Variants in ARHGAP32 observed in about 807,000 individuals in gnomAD.
ARHGAP32 encodes the protein rho GTPase-activating protein 32.
A neutral mutation model predicts 186.5 loss-of-function variants in ARHGAP32; 51 were observed. The ratio of observed to expected loss-of-function variants is 0.27; its 90% CI spans 0.22 to 0.35. The LOEUF is 0.35. ARHGAP32 is among the 10% of genes least tolerant of loss of function. The pLI, the probability that ARHGAP32 is intolerant of heterozygous loss-of-function variation, is 1.00. For synonymous variants in ARHGAP32, 950 were observed against 964.3 expected (o/e 0.99, Z 0.27); for missense variants, 2,186 against 2,623.5 (o/e 0.83, Z 3.64).
intron 2 of ARHGAP32, among the ~76,000 whole-genome samples, chr11:129,142,948 T>A (rs1246389226): frequency 2.0e-5 from 3 of 151,454 alleles, no homozygotes; most frequent in African/African-American, 7.3e-5. Flanking sequence ...ATTAATGTTA[T>A]AAATATTTCT....
intron 16 of ARHGAP32, 108 bp from the exon 17 acceptor site, chr11:128,981,669 T>C (rs990390703): frequency 2.2e-5 from 29 of 1,300,524 alleles, no homozygotes; most frequent in Non-Finnish European, 2.9e-5. Flanking sequence ...ATCATACTTT[T>C]ACTGTCCCTT....
At chr11:129,148,066 T>C (rs1565444426) in intron 2 of ARHGAP32, among the ~76,000 whole-genome samples, 3 of 152,196 alleles carry the variant, frequency 2.0e-5, no homozygotes, top group Admixed American at 6.5e-5. Context: ...CTTACATGAA[T>C]AGACTTAGGG....
At chr11:129,257,164 G>C (rs945316214) in intron 1 of ARHGAP32, among the ~76,000 whole-genome samples, 2 of 152,104 alleles carry the variant, frequency 1.3e-5, no homozygotes, top group Admixed American at 6.6e-5. Flanking sequence ...AAAGGAAAAG[G>C]GAAGAAATGA....
At chr11:129,025,311 A>T (rs115266487) in intron 11 of ARHGAP32, among the ~76,000 whole-genome samples, 1 of 152,198 alleles carries the variant, frequency 6.6e-6, no homozygotes, top group South Asian at 2.1e-4. Context: ...TGTTGATTGA[A>T]TTTATTCTTT....
intron 1 of ARHGAP32, among the ~76,000 whole-genome samples, chr11:129,173,033 AAAACAAACAAAC>A (rs56934368): frequency 6.6e-6 from 1 of 150,536 alleles, no homozygotes; most frequent in Non-Finnish European, 1.5e-5. Context: ...TTTTTTTGAA[AAAACAAACAAAC>A]AAACAAACAA....
intron 1 of ARHGAP32, among the ~76,000 whole-genome samples, chr11:129,213,587 AATATT>A (rs1402489724): frequency 6.6e-6 from 1 of 152,190 alleles, no homozygotes; most frequent in Non-Finnish European, 1.5e-5. Flanking sequence ...CTATCTTATT[AATATT>A]ATATGATAAT....
chr11:129,189,269 C>G (rs919691801), intron 1 of ARHGAP32, among the ~76,000 whole-genome samples: 1 of 152,098 alleles, frequency 6.6e-6, no homozygotes, highest in Non-Finnish European at 1.5e-5. Flanking sequence ...TTTTGTGCTA[C>G]CACTTGCAAA....
chr11:129,130,411 C>A (rs1384586753), intron 2 of ARHGAP32, among the ~76,000 whole-genome samples: 8 of 150,974 alleles, frequency 5.3e-5, no homozygotes, highest in Non-Finnish European at 1.0e-4. Flanking sequence ...AGGTAAGTAG[C>A]AAGAAGCAAA....
intron 1 of ARHGAP32, among the ~76,000 whole-genome samples, chr11:129,255,105 A>G (rs1490001070): frequency 6.6e-6 from 1 of 152,146 alleles, no homozygotes; most frequent in Non-Finnish European, 1.5e-5. Context: ...GGAAGAATAA[A>G]GCTGGATACA....
upstream of ARHGAP32, among the ~76,000 whole-genome samples, chr11:129,193,692 T>C (rs1358398283): frequency 3.4e-5 from 1 of 29,670 alleles, no homozygotes; most frequent in African/African-American, 1.4e-4. Context: ...ATATATATTA[T>C]ATAATATATA....
At chr11:129,189,862 A>C (rs1944239051) in intron 1 of ARHGAP32, among the ~76,000 whole-genome samples, 1 of 152,212 alleles carries the variant, frequency 6.6e-6, no homozygotes, top group Non-Finnish European at 1.5e-5. Flanking sequence ...AAGCACCAGA[A>C]GCCTACATTC....
intron 1 of ARHGAP32, among the ~76,000 whole-genome samples, chr11:129,241,380 A>G (rs1439599993): frequency 1.3e-5 from 2 of 152,206 alleles, no homozygotes; most frequent in African/African-American, 4.8e-5. Flanking sequence ...GCAAGAGCTC[A>G]TGCCTATAAT....
chr11:129,145,713 G>A (rs749794495), intron 2 of ARHGAP32, among the ~76,000 whole-genome samples: 11 of 152,180 alleles, frequency 7.2e-5, no homozygotes, highest in Admixed American at 2.0e-4. Flanking sequence ...TAGGCCTTAC[G>A]TTATGAAACT....
intron 1 of ARHGAP32, among the ~76,000 whole-genome samples, chr11:129,254,366 C>T (rs760803260): frequency 2.0e-5 from 3 of 152,048 alleles, no homozygotes; most frequent in Non-Finnish European, 4.4e-5. Flanking sequence ...CACTGCATCC[C>T]AAAGGCTCAC....
chr11:129,066,160 T>G (rs1474311502), intron 7 of ARHGAP32, among the ~76,000 whole-genome samples: 1 of 152,112 alleles, frequency 6.6e-6, no homozygotes, highest in Non-Finnish European at 1.5e-5. Flanking sequence ...CTTTCTAGTT[T>G]CCTTGTGTTT....
chr11:129,237,037 G>C, intron 1 of ARHGAP32, among the ~76,000 whole-genome samples: 1 of 152,130 alleles, frequency 6.6e-6, no homozygotes, highest in East Asian at 1.9e-4. Flanking sequence ...TTCTGCTTAT[G>C]TGGTGTACCA....
chr11:129,255,858 C>T (rs145192228), intron 1 of ARHGAP32, among the ~76,000 whole-genome samples: 2 of 152,162 alleles, frequency 1.3e-5, no homozygotes, highest in Admixed American at 1.3e-4. Flanking sequence ...AGTATACATT[C>T]AACAGAATGC....
At chr11:129,252,233 C>T (rs1019115000) in intron 1 of ARHGAP32, among the ~76,000 whole-genome samples, 4 of 152,076 alleles carry the variant, frequency 2.6e-5, no homozygotes, top group Admixed American at 1.3e-4. Context: ...CAACTGTAGT[C>T]GTGTCTAATT....
intron 1 of ARHGAP32, among the ~76,000 whole-genome samples, chr11:129,226,125 A>T (rs1016665984): frequency 6.6e-6 from 1 of 152,178 alleles, no homozygotes; most frequent in Non-Finnish European, 1.5e-5. Flanking sequence ...AACAAAATGA[A>T]GATAAAGGAC....
Sources: allele counts gnomAD v4.1 joint callset (sites outside exome capture counted in the v4.1 genomes callset), GRCh38; gene constraint gnomAD v4.1.1; transcripts MANE v1.5; gene names NCBI Gene and HGNC (gene_info 2026-07-23, HGNC 2026-07-21).